HIP1: variants seen among roughly 807,000 people sequenced by gnomAD.
HIP1 encodes the protein huntingtin interacting protein 1.
A neutral mutation model predicts 147.6 loss-of-function variants in HIP1; 65 were observed. That is an observed-to-expected ratio of 0.44 (90% CI 0.36 to 0.54). HIP1 has a LOEUF of 0.54. Ranked by LOEUF, HIP1 falls within the 20% of genes least tolerant of loss-of-function variation. The pLI is 0.00. For missense variants in HIP1, 1,061 were observed against 1,299.6 expected, an observed-to-expected ratio of 0.82 and a Z score of 2.82; for synonymous variants, 479 against 504.0, an observed-to-expected ratio of 0.95 and a Z score of 0.67.
Position 75,533,821 on chromosome 7 carries a change from G to C in HIP1, c.*4351C>G. ...ACCTGGGAGAGGAAGGAATTTGGCA[G>C]CAAACAGCTGGCTGGTTTGCTGCGC... On this transcript the variant is annotated 3_prime_UTR_variant, in exon 31 of 31. Transcript: ENST00000336926. 4.3e-6 allele frequency: 1 copy of C among 234,816 alleles called. No homozygotes were observed. The highest frequency in any genetic ancestry group is 8.4e-6 in the Non-Finnish European group (1 of 118,972). The allele number at this position is 234,816 out of a possible 1,614,324, so 14.5% of individuals were successfully genotyped here.
intron 8 of HIP1, among the ~76,000 whole-genome samples, chr7:75,571,597 T>A (rs1415383710): frequency 6.6e-6 from 1 of 152,206 alleles, no homozygotes; most frequent in Non-Finnish European, 1.5e-5. Context: ...TATTTTATTT[T>A]TTTTAGGCAC....
At chr7:75,661,302 A>G (rs937472555) in intron 1 of HIP1, among the ~76,000 whole-genome samples, 9 of 150,012 alleles carry the variant, frequency 6.0e-5, no homozygotes, top group Non-Finnish European at 8.9e-5. Flanking sequence ...GCCAGGTACA[A>G]TGGCTCAGGT....
intron 1 of HIP1, among the ~76,000 whole-genome samples, chr7:75,620,406 G>T (rs1472339622): frequency 2.1e-5 from 3 of 142,944 alleles, no homozygotes; most frequent in Non-Finnish European, 3.0e-5. Flanking sequence ...AAAAAAAAAG[G>T]CCAGGCACAA....
chr7:75,633,919 A>G (rs970736315), intron 1 of HIP1, among the ~76,000 whole-genome samples: 1 of 152,104 alleles, frequency 6.6e-6, no homozygotes, highest in Non-Finnish European at 1.5e-5. Context: ...TTGAGGAAGC[A>G]GTGAGATTCA....
At chr7:75,616,869 C>G (rs1312610575) in intron 1 of HIP1, among the ~76,000 whole-genome samples, 2 of 152,076 alleles carry the variant, frequency 1.3e-5, no homozygotes, top group Non-Finnish European at 2.9e-5. Context: ...AGTGATTGAT[C>G]TAACTGATGC....
chr7:75,571,883 C>T (rs1435723874), intron 8 of HIP1, among the ~76,000 whole-genome samples: 1 of 152,134 alleles, frequency 6.6e-6, no homozygotes, highest in Non-Finnish European at 1.5e-5. Flanking sequence ...TGTGCCCACC[C>T]CAGACACATC....
chr7:75,709,561 T>G (rs1801105362), intron 1 of HIP1, among the ~76,000 whole-genome samples: 1 of 152,252 alleles, frequency 6.6e-6, no homozygotes, highest in African/African-American at 2.4e-5. Context: ...GCTTATTGGT[T>G]TTAACAGACT....
At chr7:75,659,843 C>T (rs567114090) in intron 1 of HIP1, among the ~76,000 whole-genome samples, 15 of 152,166 alleles carry the variant, frequency 9.9e-5, no homozygotes, top group African/African-American at 3.4e-4. Context: ...AACTCAGGTT[C>T]TGGCCTGGGG....
chr7:75,592,073 C>A lies in HIP1; in HGVS notation c.367G>T (p.Asp123Tyr). 1 of 1,614,080 alleles carries A rather than the reference C, an allele frequency of 6.2e-7. No individual in the cohort carries two copies. The highest frequency in any genetic ancestry group is 8.5e-7 in the Non-Finnish European group (1 of 1,179,926). ...DSLRYRNELSDMSRMWGHLSE... is the reference protein window; with the variant it reads ...DSLRYRNELSYMSRMWGHLSE... ...AAACTCACCCACATCCTGCTCATGTCACTCAATTCATTTCTGTATCTCAGA... is the reference window on the plus strand; with the variant it reads ...AAACTCACCCACATCCTGCTCATGTAACTCAATTCATTTCTGTATCTCAGA... Residue 123 changes from aspartate (D) to tyrosine (Y), a missense_variant, in exon 4 of 31, where the codon GAC (aspartate) becomes TAC (tyrosine). Asp to Tyr is a radical substitution (Grantham distance 160, BLOSUM62 -3). This residue lies in a region of HIP1 where 225 missense variants were observed against 292.9 expected (regional missense o/e 0.77). Coordinates refer to ENST00000336926, the MANE Select transcript of HIP1 (RefSeq NM_005338.7).
At position 75,539,326 on chromosome 7, in the gene HIP1, C is replaced by G; in HGVS notation, c.3058G>C (p.Glu1020Gln). ...ELAGVAEGWE[E>Q]GTEASPPTLQ... ...CCCATCCTTGGAGTCAGCTTACCTT[C>G]TTCCCAGCCCTCAGCAACACCAGCA... Residue 1020 changes from glutamate to glutamine, a missense_variant, in exon 30 of 31, where the codon GAA becomes CAA. By Grantham distance (29) the Glu-to-Gln change is conservative. Transcript: ENST00000336926. 6.2e-7 allele frequency: 1 copy of G among 1,613,194 alleles called. No homozygotes were observed. The highest frequency in any genetic ancestry group is 1.6e-4 in the Middle Eastern group (1 of 6,062).
intron 1 of HIP1, among the ~76,000 whole-genome samples, chr7:75,613,918 G>T (rs1477605007): frequency 1.3e-5 from 2 of 151,308 alleles, no homozygotes; most frequent in Non-Finnish European, 2.9e-5. Context: ...TAGAGATGGG[G>T]TTTGCTATGT....
At chr7:75,581,214 T>A in intron 7 of HIP1, 23 bp downstream of exon 7, 1 of 1,585,908 alleles carries the variant, frequency 6.3e-7, no homozygotes, top group Non-Finnish European at 8.6e-7. Context: ...GAGCCTGGGT[T>A]AGACGGGAGG....
chr7:75,590,980 G>A (rs117763958), intron 4 of HIP1, among the ~76,000 whole-genome samples: 1 of 152,054 alleles, frequency 6.6e-6, no homozygotes, highest in Non-Finnish European at 1.5e-5. Flanking sequence ...AAAGGCTAAA[G>A]TAGTAGTTCT....
chr7:75,712,112 C>T lies in HIP1; in HGVS notation c.120+26689G>A, dbSNP rs139138657. 1.0e-3 allele frequency among the ~76,000 whole-genome samples: 153 copies of T among 152,286 alleles called. No individual in the cohort carries two copies. The Middle Eastern group carries it at 0.02, about 20-fold the overall frequency. ...GGTGATTCTATAATTAAAACATTGA[C>T]ACCTCACCGTCGCTCGGCTCCCTGC... On this transcript the variant is annotated intron_variant, in intron 1 of 30. Coordinates refer to ENST00000336926, the MANE Select transcript of HIP1 (RefSeq NM_005338.7).
At chr7:75,616,433 C>A (rs1489479366) in intron 1 of HIP1, among the ~76,000 whole-genome samples, 1 of 152,022 alleles carries the variant, frequency 6.6e-6, no homozygotes, top group East Asian at 1.9e-4. Flanking sequence ...CCACGCCAGG[C>A]TAATTAAAAA....
Position 75,556,151 on chromosome 7 carries a change from C to G in HIP1, c.1702G>C (p.Ala568Pro). The change falls in exon 18 of 31, where the codon GCC becomes CCC. Residue 568 changes from alanine to proline, a missense_variant. Ala to Pro is a conservative substitution (Grantham distance 27). Transcript: ENST00000336926. ...TSAQSEANWA[A>P]EFAELEKERD... ...TCCTTCTCTAGCTCGGCGAACTCGGCTGCCCAGTTTGCTTCTGACTGCAAA... is the reference window on the plus strand; with the variant it reads ...TCCTTCTCTAGCTCGGCGAACTCGGGTGCCCAGTTTGCTTCTGACTGCAAA... 1.9e-6 allele frequency: 3 copies of G among 1,614,126 alleles called. No individual in the cohort carries two copies. Among genetic ancestry groups the G allele is most frequent in the Non-Finnish European group, 2.5e-6 (3 of 1,180,012 alleles).
intron 1 of HIP1, among the ~76,000 whole-genome samples, chr7:75,734,810 T>G (rs1554523463): frequency 6.6e-6 from 1 of 152,188 alleles, no homozygotes. Flanking sequence ...GTCACTGGAA[T>G]GCCCCATCCC....
intron 19 of HIP1, among the ~76,000 whole-genome samples, chr7:75,555,205 G>GGGGGGGGAAAAAAAT (rs1794951317): frequency 9.0e-6 from 1 of 111,204 alleles, no homozygotes; most frequent in African/African-American, 3.4e-5. Context: ...CGGGGGGGGG[G>GGGGGGGGAAAAAAAT]AAGAAAATAC....
chr7:75,628,762 A>G (rs1331922427), intron 1 of HIP1, among the ~76,000 whole-genome samples: 1 of 152,206 alleles, frequency 6.6e-6, no homozygotes, highest in African/African-American at 2.4e-5. Context: ...TGCAGGTATG[A>G]GCCACTGCAT....
Sources: gnomAD v4.1 joint callset for allele counts (sites outside exome capture counted in the v4.1 genomes callset) on GRCh38, gnomAD v4.1.1 for gene constraint, gnomAD v4.1.1 regional missense constraint, MANE v1.5 for transcripts, NCBI Gene and HGNC (gene_info 2026-07-23, HGNC 2026-07-21) for gene names.